The following FBXL17 variants were observed in gnomAD, a reference collection of about 807,000 sequenced individuals.
FBXL17 encodes the protein F-box and leucine rich repeat protein 17, also known as F-box/LRR-repeat protein 17.
Under a neutral mutation model 66.2 loss-of-function variants are expected in FBXL17, and 22 were observed. The observed-to-expected ratio is 0.33, with a 90% CI of 0.24 to 0.47. The LOEUF is 0.47. Among genes scored for constraint, FBXL17 ranks in the 20% least tolerant of loss-of-function variants. The pLI, the probability that FBXL17 is intolerant of heterozygous loss-of-function variation, is 1.00. For synonymous variants in FBXL17, 474 were observed against 400.5 expected (o/e 1.18, Z -2.19); for missense variants, 878 against 948.2 (o/e 0.93, Z 0.97).
chr5:108,368,656 A>C (rs1748830448), intron 1 of FBXL17, among the ~76,000 whole-genome samples: 1 of 152,160 alleles, frequency 6.6e-6, no homozygotes. Context: ...GGGACAGAAA[A>C]AGACATTAAT....
chr5:107,864,301 T>C (rs1206467033), intron 8 of FBXL17, among the ~76,000 whole-genome samples: 2 of 152,158 alleles, frequency 1.3e-5, no homozygotes, highest in African/African-American at 4.8e-5. Context: ...CTCTAAGTTA[T>C]CTCATAAAAT....
chr5:108,322,976 A>G (rs1759687218), intron 4 of FBXL17, among the ~76,000 whole-genome samples: 1 of 152,008 alleles, frequency 6.6e-6, no homozygotes, highest in Non-Finnish European at 1.5e-5. Flanking sequence ...AAACTGACAG[A>G]AAGGTCCCAC....
At chr5:107,866,418 G>A (rs192188306) in intron 8 of FBXL17, among the ~76,000 whole-genome samples, 3 of 152,242 alleles carry the variant, frequency 2.0e-5, no homozygotes, top group Admixed American at 1.3e-4. Flanking sequence ...TCTATTTTGA[G>A]TTAACATCTA....
intron 6 of FBXL17, among the ~76,000 whole-genome samples, chr5:108,114,368 G>C (rs1036436067): frequency 6.7e-6 from 1 of 148,322 alleles, no homozygotes; most frequent in African/African-American, 2.5e-5. Flanking sequence ...TATAAATTCA[G>C]TATGACATCA....
chr5:108,063,349 A>G (rs943441983), intron 6 of FBXL17, among the ~76,000 whole-genome samples: 4 of 152,204 alleles, frequency 2.6e-5, no homozygotes, highest in Admixed American at 6.5e-5. Context: ...AGAGAAGCCA[A>G]TAACTAACCT....
chr5:108,120,879 G>C (rs1310881622), intron 6 of FBXL17, among the ~76,000 whole-genome samples: 1 of 152,080 alleles, frequency 6.6e-6, no homozygotes, highest in Non-Finnish European at 1.5e-5. Flanking sequence ...AATACTGATT[G>C]AATGAATGAA....
At chr5:108,329,955 T>C (rs1760042921) in intron 4 of FBXL17, among the ~76,000 whole-genome samples, 1 of 152,078 alleles carries the variant, frequency 6.6e-6, no homozygotes, top group African/African-American at 2.4e-5. Context: ...TAAAAGTTAC[T>C]ATAAAATCAG....
intron 4 of FBXL17, among the ~76,000 whole-genome samples, chr5:108,240,585 C>T (rs1435958299): frequency 1.3e-5 from 2 of 152,134 alleles, no homozygotes; most frequent in African/African-American, 4.8e-5. Context: ...ATTCCAGTCC[C>T]TAGACACCAG....
chr5:107,887,018 C>T (rs1269148935), intron 7 of FBXL17, among the ~76,000 whole-genome samples: 1 of 151,500 alleles, frequency 6.6e-6, no homozygotes, highest in East Asian at 1.9e-4. Flanking sequence ...CTAGAACAGA[C>T]AAATCAGGGA....
chr5:107,964,452 A>G (rs1752039687), intron 7 of FBXL17, among the ~76,000 whole-genome samples: 1 of 152,144 alleles, frequency 6.6e-6, no homozygotes, highest in African/African-American at 2.4e-5. Flanking sequence ...GAGTAATAAA[A>G]TGTAATACAA....
At chr5:108,014,534 G>A (rs540017366) in intron 7 of FBXL17, among the ~76,000 whole-genome samples, 1 of 152,280 alleles carries the variant, frequency 6.6e-6, no homozygotes, top group African/African-American at 2.4e-5. Flanking sequence ...GACATTTGTA[G>A]TCTATTCTAG....
intron 7 of FBXL17, among the ~76,000 whole-genome samples, chr5:107,985,200 G>T (rs781630006): frequency 1.6e-4 from 25 of 152,194 alleles, no homozygotes; most frequent in Non-Finnish European, 3.2e-4. Context: ...AAACTGCTGT[G>T]ACAGAACAAA....
At chr5:108,017,544 G>A (rs1446078345) in intron 7 of FBXL17, among the ~76,000 whole-genome samples, 1 of 152,216 alleles carries the variant, frequency 6.6e-6, no homozygotes, top group Non-Finnish European at 1.5e-5. Flanking sequence ...ACTAACGTAT[G>A]TGGCATGTAT....
rs116098832 is a variant in FBXL17 at position 108,014,618 on chromosome 5, C to T, written c.1822+6307G>A. 3.0e-3 allele frequency among the ~76,000 whole-genome samples: 461 copies of T among 152,122 alleles called. 2 individuals are homozygous for T. Among genetic ancestry groups the T allele is most frequent in the African/African-American group, 0.011 (443 of 41,500 alleles). On this transcript the variant is annotated intron_variant, in intron 7 of 8. Transcript: ENST00000542267. ...TTACTTAGCTGCAGTCTTGGGATGA[C>T]CTAGGCAATAGGAAAGAATGTCAAC...
chr5:108,252,324 G>T (rs926274677), intron 4 of FBXL17, among the ~76,000 whole-genome samples: 1 of 152,062 alleles, frequency 6.6e-6, no homozygotes, highest in Non-Finnish European at 1.5e-5. Flanking sequence ...TGTATTCAGA[G>T]CAATTAAGCT....
intron 7 of FBXL17, among the ~76,000 whole-genome samples, chr5:107,980,218 T>C (rs892883203): frequency 2.0e-5 from 3 of 152,036 alleles, no homozygotes; most frequent in East Asian, 3.9e-4. Context: ...GCACCTAGAA[T>C]GGTGAAAATC....
At chr5:108,123,698 C>T (rs1232564797) in intron 6 of FBXL17, among the ~76,000 whole-genome samples, 1 of 152,092 alleles carries the variant, frequency 6.6e-6, no homozygotes, top group East Asian at 1.9e-4. Flanking sequence ...TTAGCTGATA[C>T]TCCCTATTTC....
At chr5:108,012,690 C>G (rs56085445) in intron 7 of FBXL17, among the ~76,000 whole-genome samples, 1 of 152,172 alleles carries the variant, frequency 6.6e-6, no homozygotes, top group East Asian at 1.9e-4. Context: ...CTATCCAGGT[C>G]TCAGTTTCCA....
chr5:108,299,053 T>C (rs1415377034), intron 4 of FBXL17: 2 of 977,500 alleles, frequency 2.0e-6, no homozygotes, highest in East Asian at 1.1e-4. Flanking sequence ...TGAGTACATA[T>C]CTGAACAAAA....
Sources: allele counts gnomAD v4.1 joint callset (sites outside exome capture counted in the v4.1 genomes callset), GRCh38; gene constraint gnomAD v4.1.1; transcripts MANE v1.5; gene names NCBI Gene and HGNC (gene_info 2026-07-23, HGNC 2026-07-21).